Variants in EEA1 observed in about 807,000 individuals in gnomAD.
The protein encoded by EEA1 is early endosome antigen 1, 162kD.
Under a neutral mutation model 209.2 loss-of-function variants are expected in EEA1, and 111 were observed. That is an observed-to-expected ratio of 0.53 (90% CI 0.45 to 0.62). The LOEUF is 0.62. EEA1 is among the 20% of genes least tolerant of loss of function. The pLI, the probability that EEA1 is intolerant of heterozygous loss-of-function variation, is 0.00. For synonymous variants in EEA1, 536 were observed against 540.6 expected, an observed-to-expected ratio of 0.99 and a Z score of 0.12; for missense variants, 1,343 against 1,530.8, an observed-to-expected ratio of 0.88 and a Z score of 2.05.
chr12:92,863,792 C>T (rs1290869118), intron 3 of EEA1, among the ~76,000 whole-genome samples: 2 of 152,142 alleles, frequency 1.3e-5, no homozygotes, highest in Non-Finnish European at 2.9e-5. Flanking sequence ...AGAAGTCAGG[C>T]TTCAATTAAC....
At chr12:92,822,467 T>C (rs1876104609) in intron 13 of EEA1, among the ~76,000 whole-genome samples, 1 of 152,220 alleles carries the variant, frequency 6.6e-6, no homozygotes, top group African/African-American at 2.4e-5. Context: ...TTACTCTAAT[T>C]GGTATTTTTC....
chr12:92,817,537 A>G (rs1452830412), intron 14 of EEA1, among the ~76,000 whole-genome samples: 2 of 151,976 alleles, frequency 1.3e-5, no homozygotes, highest in South Asian at 2.1e-4. Flanking sequence ...TTCCACTGCT[A>G]TCTCCATCAT....
intron 2 of EEA1, among the ~76,000 whole-genome samples, chr12:92,888,760 A>G (rs1017480724): frequency 6.6e-6 from 1 of 152,206 alleles, no homozygotes; most frequent in Non-Finnish European, 1.5e-5. Flanking sequence ...ATGAACCACA[A>G]TATAAGTTAG....
intron 2 of EEA1, among the ~76,000 whole-genome samples, chr12:92,872,317 G>A (rs567813891): frequency 2.6e-5 from 4 of 152,310 alleles, no homozygotes; most frequent in East Asian, 1.9e-4. Flanking sequence ...CCAAGGTACT[G>A]GGATTACAGG....
At chr12:92,855,411 G>A (rs11106718) in intron 5 of EEA1, among the ~76,000 whole-genome samples, 191 of 139,074 alleles carry the variant, frequency 1.4e-3, no homozygotes, top group African/African-American at 5.1e-3. Context: ...CAGCCTGGGT[G>A]ACAGAGCGAG....
At chr12:92,903,871 A>T (rs1197387420) in intron 1 of EEA1, among the ~76,000 whole-genome samples, 1 of 152,174 alleles carries the variant, frequency 6.6e-6, no homozygotes, top group South Asian at 2.1e-4. Context: ...TACTGAATAG[A>T]TGAGATTTGT....
At chr12:92,889,123 A>G (rs1879551899) in intron 2 of EEA1, among the ~76,000 whole-genome samples, 1 of 151,788 alleles carries the variant, frequency 6.6e-6, no homozygotes, top group Non-Finnish European at 1.5e-5. Context: ...CTGCACTCCA[A>G]GGCAACAAAG....
chr12:92,788,811 T>C (rs1438161371), intron 21 of EEA1, among the ~76,000 whole-genome samples: 1 of 152,202 alleles, frequency 6.6e-6, no homozygotes, highest in African/African-American at 2.4e-5. Flanking sequence ...TTATGTCTCC[T>C]TCTAGAAACA....
chr12:92,785,517 T>C (rs1874093060), intron 22 of EEA1, among the ~76,000 whole-genome samples: 1 of 152,214 alleles, frequency 6.6e-6, no homozygotes, highest in Non-Finnish European at 1.5e-5. Context: ...TCCTAGTCTA[T>C]AAATATCATC....
At chr12:92,808,950 G>T (rs61933720) in intron 18 of EEA1, 67 bp downstream of exon 18, 399,936 of 1,396,642 alleles carry the variant, frequency 0.29, 61,769 homozygotes, top group Non-Finnish European at 0.32. Context: ...ATTTAAATCT[G>T]AAGGAAATTT....
rs780343405 is a variant in EEA1, at chr12:92,777,954, C to T, written c.3880G>A (p.Ala1294Thr). ...TVQNNQDERR[A>T]LLERCLKGEG... ...GATATCAATCACCTTTCCAGTAGTG[C>T]TCTCCTTTCATCTTGATTATTCTGA... The change falls in exon 26 of 29, where the codon GCA becomes ACA. Residue 1294 changes from alanine (A) to threonine (T), a missense_variant. By Grantham distance (58) the Ala-to-Thr change is moderately conservative. Around this residue, in one of 3 missense-constraint regions of EEA1, gnomAD observed 1,307 missense variants for 1,465.5 expected, o/e 0.89. Coordinates refer to ENST00000322349, the MANE Select transcript of EEA1 (RefSeq NM_003566.4). 16 of 1,612,336 alleles carry T rather than the reference C, an allele frequency of 9.9e-6. 1 individual carries two copies. The Middle Eastern group carries it at 6.6e-4, about 66-fold the overall frequency.
At chr12:92,881,754 G>T (rs1381369746) in intron 2 of EEA1, among the ~76,000 whole-genome samples, 3 of 152,086 alleles carry the variant, frequency 2.0e-5, no homozygotes, top group African/African-American at 7.3e-5. Context: ...CTAGCAATAT[G>T]GTGTACTAAA....
chr12:92,875,123 A>T lies in EEA1; in HGVS notation c.118-10136T>A, dbSNP rs189911351. 3.9e-3 allele frequency among the ~76,000 whole-genome samples: 601 copies of T among 152,266 alleles called. 3 individuals are homozygous for T. Among genetic ancestry groups the T allele is most frequent in the African/African-American group, 0.014 (565 of 41,542 alleles). On this transcript the variant is annotated intron_variant, in intron 2 of 28. Coordinates refer to ENST00000322349, the MANE Select transcript of EEA1 (RefSeq NM_003566.4). Reference sequence around the variant, plus strand: ...ATAAGACAAGGTCTTCACCCTCAAGAAGCTTACAGCCTCTCTGAAAAAGTT... The same window carrying T: ...ATAAGACAAGGTCTTCACCCTCAAGTAGCTTACAGCCTCTCTGAAAAAGTT...
chr12:92,774,492 G>A lies in EEA1; in HGVS notation c.*1519C>T, dbSNP rs1477715940. ...CTGTTATAAAATGATTGCACTGAAT[G>A]AATGTATAACTACACTTCTTCTCTA... is the stretch of plus-strand genomic sequence containing the variant. On this transcript the variant is annotated 3_prime_UTR_variant, in exon 29 of 29. Transcript: ENST00000322349. 6.6e-6 allele frequency: 1 copy of A among 151,570 alleles called. No homozygotes were observed. Among genetic ancestry groups the A allele is most frequent in the African/African-American group, 2.4e-5 (1 of 41,398 alleles). 9.4% of individuals were successfully genotyped at this position (151,570 alleles called of 1,614,324 possible).
intron 11 of EEA1, among the ~76,000 whole-genome samples, chr12:92,830,704 T>C (rs7133229): frequency 0.35 from 53,117 of 152,038 alleles, 10,909 homozygotes; most frequent in East Asian, 0.88. Context: ...GAAGGGTAAA[T>C]TGCTGAGGAG....
chr12:92,912,404 T>C lies in EEA1; in HGVS notation c.24+16639A>G, dbSNP rs185287197. Among the ~76,000 whole-genome samples the C allele has an allele frequency of 2.1e-3, 322 of 152,248 alleles. 1 individual carries two copies. Among genetic ancestry groups the C allele is most frequent in the African/African-American group, 7.5e-3 (313 of 41,532 alleles). The stretch of plus-strand genomic sequence containing the variant: ...AGCAAATGAGACACAAGCAGAGACT[T>C]GAAAGGCGTCTGTCTGCACAATGGG... On this transcript the variant is annotated intron_variant, in intron 1 of 28. Transcript: ENST00000322349.
chr12:92,875,016 T>C (rs751929399), intron 2 of EEA1, among the ~76,000 whole-genome samples: 43 of 152,194 alleles, frequency 2.8e-4, no homozygotes, highest in Non-Finnish European at 7.3e-5. Flanking sequence ...TTTTAAGTAA[T>C]ATACGATTTT....
At chr12:92,883,383 A>G (rs1211558959) in intron 2 of EEA1, among the ~76,000 whole-genome samples, 1 of 152,140 alleles carries the variant, frequency 6.6e-6, no homozygotes, top group Non-Finnish European at 1.5e-5. Flanking sequence ...AACTCTGTCG[A>G]TAGTTTCTTT....
At chr12:92,837,408 T>C (rs1876979605) in intron 10 of EEA1, among the ~76,000 whole-genome samples, 1 of 152,146 alleles carries the variant, frequency 6.6e-6, no homozygotes, top group South Asian at 2.1e-4. Flanking sequence ...ACAAGCGATA[T>C]AATAACTACT....
Sources: allele counts gnomAD v4.1 joint callset (sites outside exome capture counted in the v4.1 genomes callset), GRCh38; gene constraint gnomAD v4.1.1; regional missense constraint gnomAD v4.1.1; transcripts MANE v1.5; gene names NCBI Gene and HGNC (gene_info 2026-07-23, HGNC 2026-07-21).